ADAM7: variants seen among roughly 807,000 people sequenced by gnomAD.
ADAM7 encodes the protein ADAM metallopeptidase domain 7.
Under a neutral mutation model 102.9 loss-of-function variants are expected in ADAM7, and 97 were observed. The observed-to-expected ratio is 0.94, with a 90% CI of 0.80 to 1.12. The LOEUF is 1.12. ADAM7 is among the 50% of genes most tolerant of loss of function. ADAM7 has a pLI of 0.00. For missense variants in ADAM7, 991 were observed against 908.7 expected, an observed-to-expected ratio of 1.09 and a Z score of -1.16; for synonymous variants, 334 against 304.4, an observed-to-expected ratio of 1.10 and a Z score of -1.01.
chr8:24,507,338 T>C (rs1351308725), intron 20 of ADAM7, 142 bp from the exon 21 acceptor site: 1 of 628,898 alleles, frequency 1.6e-6, no homozygotes, highest in East Asian at 2.8e-5. Flanking sequence ...ACAAACTGTC[T>C]TGGATTTTTC....
At chr8:24,455,822 A>G (rs1056434658) in intron 3 of ADAM7, among the ~76,000 whole-genome samples, 3 of 152,236 alleles carry the variant, frequency 2.0e-5, no homozygotes, top group Admixed American at 6.5e-5. Flanking sequence ...GTATGTATGC[A>G]TGCATGTATT....
intron 8 of ADAM7, among the ~76,000 whole-genome samples, chr8:24,481,063 AAAACAAACAAACAAAC>A (rs111355286): frequency 1.3e-5 from 2 of 149,866 alleles, no homozygotes; most frequent in East Asian, 2.0e-4. Context: ...CCCTGTCTCA[AAAACAAACAAACAAAC>A]AAACAAACAA....
At chr8:24,489,089 A>G (rs1208508913) in intron 11 of ADAM7, 70 bp from the exon 12 acceptor site, 3 of 1,371,500 alleles carry the variant, frequency 2.2e-6, no homozygotes, top group Non-Finnish European at 2.9e-6. Flanking sequence ...GCTTCATAAA[A>G]TGCTCACAGC....
rs191822448 is a variant in ADAM7, at chr8:24,509,498, T to C, written c.*952T>C. The C allele has an allele frequency of 2.0e-5, 20 of 984,062 alleles. No individual in the cohort carries two copies. The highest frequency in any genetic ancestry group is 1.2e-4 in the Admixed American group (2 of 16,276). 61.0% of individuals were successfully genotyped at this position (984,062 alleles called of 1,614,324 possible). On this transcript the variant is annotated 3_prime_UTR_variant, in exon 22 of 22. Coordinates refer to ENST00000175238, the MANE Select transcript of ADAM7 (RefSeq NM_003817.4). ...TTTTTTTCCATTTACTGAAATAAAG[T>C]TTTCAAGTTCTAAATAAAAATATTC...
chr8:24,475,799 G>C (rs1243724472), intron 7 of ADAM7: 1 of 312,198 alleles, frequency 3.2e-6, no homozygotes, highest in Non-Finnish European at 6.5e-6. Flanking sequence ...AAGTACATTT[G>C]ATCAGGTCTA....
chr8:24,501,608 A>T, intron 20 of ADAM7, 32 bp downstream of exon 20: 1 of 1,517,092 alleles, frequency 6.6e-7, no homozygotes, highest in Non-Finnish European at 8.9e-7. Context: ...CAGTTAATTT[A>T]TTGATTTTTT....
intron 10 of ADAM7, 109 bp from the exon 11 acceptor site, chr8:24,487,077 AC>A: frequency 8.8e-7 from 1 of 1,135,368 alleles, no homozygotes; most frequent in South Asian, 1.7e-5. Context: ...TTAAATAGAT[AC>A]CAGTTAACTA....
At chr8:24,493,967 T>G (rs1020365744) in intron 16 of ADAM7, among the ~76,000 whole-genome samples, 1 of 151,510 alleles carries the variant, frequency 6.6e-6, no homozygotes, top group Non-Finnish European at 1.5e-5. Flanking sequence ...TTGGAAAGAG[T>G]TTTTTATGGC....
chr8:24,489,748 C>T (rs1352897380), intron 12 of ADAM7, among the ~76,000 whole-genome samples: 11 of 152,160 alleles, frequency 7.2e-5, no homozygotes, highest in Non-Finnish European at 1.6e-4. Flanking sequence ...TAATAGAAAA[C>T]TCTTTCTTAA....
intron 21 of ADAM7, 116 bp from the exon 22 acceptor site, chr8:24,508,430 G>T: frequency 9.8e-7 from 1 of 1,020,894 alleles, no homozygotes; most frequent in South Asian, 1.5e-5. Context: ...AATAAATGTA[G>T]GACTACAGAA....
chr8:24,503,959 G>A (rs1820854177), intron 20 of ADAM7, among the ~76,000 whole-genome samples: 1 of 151,634 alleles, frequency 6.6e-6, no homozygotes, highest in African/African-American at 2.4e-5. Context: ...AAACCACCAT[G>A]CCACGTGTAT....
chr8:24,462,613 G>T (rs13254550), intron 3 of ADAM7, among the ~76,000 whole-genome samples: 108,490 of 151,986 alleles, frequency 0.71, 39,450 homozygotes, highest in African/African-American at 0.79. Flanking sequence ...CTAGATCCTT[G>T]AGGTACTTTC....
intron 3 of ADAM7, among the ~76,000 whole-genome samples, chr8:24,460,775 A>G (rs1189802646): frequency 1.3e-5 from 2 of 151,922 alleles, no homozygotes; most frequent in East Asian, 3.9e-4. Flanking sequence ...GTGTATATAT[A>G]TATATATATA....
chr8:24,442,552 A>C lies in ADAM7; in HGVS notation c.132A>C (p.Gly44=), dbSNP rs1473105961. 1.2e-6 allele frequency: 2 copies of C among 1,613,910 alleles called. No individual in the cohort carries two copies. Among genetic ancestry groups the C allele is most frequent in the Non-Finnish European group, 1.7e-6 (2 of 1,179,894 alleles). ...KLPLIQKRDT[G]HTHDDDILKT... is the part of the protein sequence containing the mutation. ...CTCTGATACAGAAGCGAGATACTGGACACACCCATGATGATGACATACTGG... is the reference window on the plus strand; with the variant it reads ...CTCTGATACAGAAGCGAGATACTGGCCACACCCATGATGATGACATACTGG... The change falls in exon 2 of 22, where the codon GGA becomes GGC. Residue 44 remains glycine, a synonymous_variant. Coordinates refer to ENST00000175238, the MANE Select transcript of ADAM7 (RefSeq NM_003817.4).
chr8:24,487,351 A>C (rs767911699), intron 11 of ADAM7, 34 bp downstream of exon 11: 1 of 1,605,754 alleles, frequency 6.2e-7, no homozygotes, highest in East Asian at 2.3e-5. Flanking sequence ...ATACACTTAC[A>C]TAATTCAGAA....
chr8:24,481,946 A>C (rs893991440), intron 8 of ADAM7, among the ~76,000 whole-genome samples, 196 bp from the exon 9 acceptor site: 2 of 152,150 alleles, frequency 1.3e-5, no homozygotes, highest in African/African-American at 4.8e-5. Context: ...TTGCCCAGAA[A>C]ATTCACCAGG....
chr8:24,488,477 GA>G (rs1820222387), intron 11 of ADAM7, among the ~76,000 whole-genome samples: 1 of 152,076 alleles, frequency 6.6e-6, no homozygotes, highest in African/African-American at 2.4e-5. Context: ...GGCTGGCACA[GA>G]ATAAGAACAC....
intron 8 of ADAM7, 75 bp from the exon 9 acceptor site, chr8:24,482,067 G>T: frequency 9.2e-7 from 1 of 1,091,766 alleles, no homozygotes; most frequent in Non-Finnish European, 1.3e-6. Flanking sequence ...TTGGGGAAAT[G>T]TAAAGGAATA....
intron 20 of ADAM7, among the ~76,000 whole-genome samples, chr8:24,503,178 T>A (rs949103492): frequency 1.3e-5 from 2 of 152,094 alleles, no homozygotes; most frequent in Admixed American, 6.6e-5. Context: ...TTTGAAAAAA[T>A]TATGTCTATT....
Sources: allele counts gnomAD v4.1 joint callset (sites outside exome capture counted in the v4.1 genomes callset), GRCh38; gene constraint gnomAD v4.1.1; transcripts MANE v1.5; gene names NCBI Gene and HGNC (gene_info 2026-07-23, HGNC 2026-07-21).